The following SCHIP1 variants were observed in gnomAD, a reference collection of about 807,000 sequenced individuals.
The protein encoded by SCHIP1 is schwannomin-interacting protein 1.
Under a neutral mutation model 29.7 loss-of-function variants are expected in SCHIP1, and 8 were observed. The ratio of observed to expected loss-of-function variants is 0.27; its 90% confidence interval spans 0.16 to 0.49. The LOEUF is 0.49. SCHIP1 is among the 20% of genes least tolerant of loss of function. The probability of loss-of-function intolerance (pLI) is 0.99; values close to 1 mark genes in which losing one functional copy is unlikely to be tolerated. For synonymous variants in SCHIP1, 76 were observed against 94.9 expected (o/e 0.80, Z 1.16); for missense variants, 193 against 294.6 (o/e 0.66, Z 2.52).
chr3:159,394,219 G>C, the SCHIP1 span, among the ~76,000 whole-genome samples: 3 of 150,634 alleles, frequency 2.0e-5, no homozygotes, highest in Non-Finnish European at 3.0e-5. Flanking sequence ...TTTGGGCTGA[G>C]ACAATGGGGT....
the SCHIP1 span, among the ~76,000 whole-genome samples, chr3:159,784,262 T>C: frequency 1.5e-3 from 227 of 152,372 alleles, 1 homozygote; most frequent in Non-Finnish European, 2.9e-3. Context: ...GTTGAGCAAG[T>C]CTACACCTGT....
chr3:159,595,341 G>C, the SCHIP1 span, among the ~76,000 whole-genome samples: 2 of 152,132 alleles, frequency 1.3e-5, no homozygotes, highest in Non-Finnish European at 2.9e-5. Flanking sequence ...GGTTATTCCT[G>C]CTTCAATGGT....
chr3:159,817,133 C>T, the SCHIP1 span, among the ~76,000 whole-genome samples: 142 of 152,144 alleles, frequency 9.3e-4, 1 homozygote, highest in Admixed American at 2.0e-3. Flanking sequence ...AATAAATATG[C>T]GTGGATTAAA....
chr3:159,497,534 A>G, the SCHIP1 span, among the ~76,000 whole-genome samples: 1 of 152,000 alleles, frequency 6.6e-6, no homozygotes, highest in Non-Finnish European at 1.5e-5. Context: ...AGGGCTAGGA[A>G]AACTGCCAGT....
chr3:159,382,782 T>G, the SCHIP1 span, among the ~76,000 whole-genome samples: 4 of 152,372 alleles, frequency 2.6e-5, no homozygotes, highest in Non-Finnish European at 5.9e-5. Flanking sequence ...TTTCTTGACC[T>G]TTTAATGATT....
chr3:159,764,861 G>A, the SCHIP1 span: 21 of 1,589,818 alleles, frequency 1.3e-5, no homozygotes, highest in Non-Finnish European at 1.7e-5. This position sits in a 1 kb window ranked among gnomAD's most constrained non-coding sequence, Gnocchi z 6.1. Context: ...CAGGACCTCA[G>A]GCACAATGGC....
chr3:159,288,956 C>T, the SCHIP1 span, among the ~76,000 whole-genome samples: 1 of 152,186 alleles, frequency 6.6e-6, no homozygotes, highest in Non-Finnish European at 1.5e-5. Context: ...TAAGTCAATA[C>T]TGAGCTGATC....
chr3:159,400,250 C>G, the SCHIP1 span, among the ~76,000 whole-genome samples: 5 of 152,146 alleles, frequency 3.3e-5, no homozygotes, highest in Admixed American at 3.3e-4. Flanking sequence ...CAATGATGCA[C>G]ATGATTGTTA....
the SCHIP1 span, among the ~76,000 whole-genome samples, chr3:159,464,444 T>G: frequency 1.3e-5 from 2 of 152,196 alleles, no homozygotes; most frequent in African/African-American, 2.4e-5. Context: ...ACTCTAAAGA[T>G]AAGGATTACA....
At chr3:159,654,829 TC>T in the SCHIP1 span, among the ~76,000 whole-genome samples, 5 of 140,672 alleles carry the variant, frequency 3.6e-5, no homozygotes, top group East Asian at 1.1e-3. Flanking sequence ...AAAAAAATCC[TC>T]ACAAACCATG....
At chr3:159,652,002 G>A in the SCHIP1 span, among the ~76,000 whole-genome samples, 5 of 151,850 alleles carry the variant, frequency 3.3e-5, no homozygotes, top group South Asian at 6.2e-4. Flanking sequence ...AGGCTGAGGC[G>A]GGAGAATCAT....
chr3:159,659,716 G>A, the SCHIP1 span, among the ~76,000 whole-genome samples: 2 of 152,062 alleles, frequency 1.3e-5, no homozygotes, highest in Non-Finnish European at 2.9e-5. Context: ...CCTTTTTGTG[G>A]TGATTCTCAG....
intron 6 of SCHIP1, chr3:159,894,792 G>A (rs1258825610): frequency 6.6e-6 from 1 of 151,320 alleles, no homozygotes; most frequent in Non-Finnish European, 1.5e-5. Flanking sequence ...TTGCTGATAA[G>A]AACCTTTTAG....
the SCHIP1 span, among the ~76,000 whole-genome samples, chr3:159,493,849 G>C: frequency 6.6e-6 from 1 of 152,116 alleles, no homozygotes; most frequent in African/African-American, 2.4e-5. Context: ...TACATAGTTG[G>C]AAGTAAAGCA....
the SCHIP1 span, among the ~76,000 whole-genome samples, chr3:159,781,197 CAG>C: frequency 6.6e-6 from 1 of 152,052 alleles, no homozygotes; most frequent in African/African-American, 2.4e-5. Context: ...TTTATTGAGA[CAG>C]AGTTTTGCTC....
At chr3:159,432,914 A>G in the SCHIP1 span, among the ~76,000 whole-genome samples, 1 of 152,150 alleles carries the variant, frequency 6.6e-6, no homozygotes, top group Admixed American at 6.5e-5. Flanking sequence ...AGAAACAATG[A>G]TATGAGTCAC....
chr3:159,632,901 G>A, the SCHIP1 span, among the ~76,000 whole-genome samples: 1 of 152,186 alleles, frequency 6.6e-6, no homozygotes, highest in Non-Finnish European at 1.5e-5. Context: ...GCACATGTGG[G>A]AGACTTCTAA....
the SCHIP1 span, among the ~76,000 whole-genome samples, chr3:159,427,939 T>C: frequency 1.3e-5 from 2 of 151,390 alleles, no homozygotes; most frequent in East Asian, 1.9e-4. Flanking sequence ...AAACAAGCAA[T>C]GGGGAAAGGA....
the SCHIP1 span, among the ~76,000 whole-genome samples, chr3:159,516,773 C>G: frequency 6.6e-6 from 1 of 152,064 alleles, no homozygotes; most frequent in African/African-American, 2.4e-5. Flanking sequence ...TGTTGTCGTC[C>G]CTGCTGCATG....
Sources: allele counts gnomAD v4.1 joint callset (sites outside exome capture counted in the v4.1 genomes callset), GRCh38; gene constraint gnomAD v4.1.1; non-coding constraint Gnocchi (gnomAD v3.1); transcripts MANE v1.5; gene names NCBI Gene and HGNC (gene_info 2026-07-23, HGNC 2026-07-21).